The following LGR5 variants were observed in gnomAD, a reference collection of about 807,000 sequenced individuals.
The protein encoded by LGR5 is leucine rich repeat containing G protein-coupled receptor 5.
In LGR5, 54 loss-of-function variants were observed where a neutral mutation model predicts 76.7. The ratio of observed to expected loss-of-function variants is 0.70; its 90% CI spans 0.57 to 0.88. The LOEUF (loss-of-function observed/expected upper bound fraction) is 0.88. LGR5 is among the 40% of genes least tolerant of loss of function. The pLI, the probability that LGR5 is intolerant of heterozygous loss-of-function variation, is 0.00. For missense variants in LGR5, 1,078 were observed against 1,073.3 expected (o/e 1.00, Z -0.06); for synonymous variants, 406 against 421.9 (o/e 0.96, Z 0.46).
At chr12:71,450,767 G>A (rs1872215733) in intron 1 of LGR5, among the ~76,000 whole-genome samples, 1 of 151,954 alleles carries the variant, frequency 6.6e-6, no homozygotes. Context: ...TTTTTTCCTG[G>A]ATGACTGTAG....
chr12:71,469,275 A>C (rs1401568576), intron 1 of LGR5, among the ~76,000 whole-genome samples: 2 of 152,234 alleles, frequency 1.3e-5, no homozygotes, highest in Non-Finnish European at 2.9e-5. Context: ...AATATTACCC[A>C]GTCATAATGT....
chr12:71,532,257 T>C (rs1762486112), intron 3 of LGR5, among the ~76,000 whole-genome samples: 1 of 152,130 alleles, frequency 6.6e-6, no homozygotes, highest in Non-Finnish European at 1.5e-5. Context: ...ATAACAAAAA[T>C]GTAAAATAAC....
intron 1 of LGR5, among the ~76,000 whole-genome samples, chr12:71,469,878 C>A (rs1592466984): frequency 1.3e-5 from 2 of 152,148 alleles, no homozygotes; most frequent in East Asian, 3.9e-4. Context: ...CCTGCTCTTT[C>A]TTTTAAAAGC....
At chr12:71,557,276 C>A (rs2137421575) in intron 6 of LGR5, among the ~76,000 whole-genome samples, 1 of 152,210 alleles carries the variant, frequency 6.6e-6, no homozygotes, top group South Asian at 2.1e-4. Flanking sequence ...CAGAGCAAGA[C>A]CTTGTCTCAA....
chr12:71,515,622 AATGGAAAAAGAGGGAAAACTATTACCATT>A (rs1875396878), intron 2 of LGR5, among the ~76,000 whole-genome samples: 1 of 152,196 alleles, frequency 6.6e-6, no homozygotes, highest in Non-Finnish European at 1.5e-5. Context: ...AGATTTTTAG[AATGGAAAAAGAGGGAAAACTATTACCATT>A]AAGCCTGATA....
intron 4 of LGR5, among the ~76,000 whole-genome samples, chr12:71,549,548 T>C (rs1192851554): frequency 6.6e-6 from 1 of 152,208 alleles, no homozygotes; most frequent in Non-Finnish European, 1.5e-5. Flanking sequence ...AACATCACAT[T>C]GTACACCATA....
At chr12:71,461,266 A>G (rs1000420864) in intron 1 of LGR5, among the ~76,000 whole-genome samples, 1 of 152,106 alleles carries the variant, frequency 6.6e-6, no homozygotes, top group African/African-American at 2.4e-5. Context: ...TCTCCTGGGA[A>G]TGATAGTTTA....
chr12:71,444,847 C>G (rs900655318), intron 1 of LGR5, among the ~76,000 whole-genome samples: 2 of 151,928 alleles, frequency 1.3e-5, no homozygotes, highest in Non-Finnish European at 2.9e-5. Flanking sequence ...AATTTCAGAC[C>G]AAACAATTAA....
intron 2 of LGR5, among the ~76,000 whole-genome samples, chr12:71,513,180 G>A (rs1264884225): frequency 6.6e-6 from 1 of 152,160 alleles, no homozygotes; most frequent in Non-Finnish European, 1.5e-5. Flanking sequence ...AAAAGAAAAG[G>A]TGTGAGGACA....
intron 1 of LGR5, among the ~76,000 whole-genome samples, chr12:71,453,929 T>C (rs1363056240): frequency 6.6e-6 from 1 of 152,008 alleles, no homozygotes; most frequent in Non-Finnish European, 1.5e-5. Context: ...CTGAGAATAG[T>C]AGGTATCAAT....
chr12:71,506,321 C>G (rs1395321129), intron 2 of LGR5, among the ~76,000 whole-genome samples: 1 of 152,042 alleles, frequency 6.6e-6, no homozygotes, highest in African/African-American at 2.4e-5. Flanking sequence ...ACACACACCT[C>G]AACTTTAGAC....
At chr12:71,544,007 C>G (rs771506909) in intron 4 of LGR5, among the ~76,000 whole-genome samples, 1 of 152,200 alleles carries the variant, frequency 6.6e-6, no homozygotes, top group Non-Finnish European at 1.5e-5. Flanking sequence ...TAGATCATCT[C>G]CTTGCTACAG....
chr12:71,526,179 G>A (rs763810239), intron 3 of LGR5, among the ~76,000 whole-genome samples: 2 of 152,030 alleles, frequency 1.3e-5, no homozygotes, highest in African/African-American at 4.8e-5. Flanking sequence ...CTTCATTTTT[G>A]TATGATATTG....
At chr12:71,518,758 C>G (rs1875571986) in intron 2 of LGR5, among the ~76,000 whole-genome samples, 1 of 152,046 alleles carries the variant, frequency 6.6e-6, no homozygotes. Context: ...AACCAGGTAC[C>G]ACATAGTCTT....
At chr12:71,557,302 T>C (rs1160285274) in intron 6 of LGR5, among the ~76,000 whole-genome samples, 1 of 151,670 alleles carries the variant, frequency 6.6e-6, no homozygotes, top group African/African-American at 2.4e-5. Context: ...GAAAAAAGAG[T>C]GAAAAGTAAT....
intron 2 of LGR5, among the ~76,000 whole-genome samples, chr12:71,517,613 T>C (rs1458641719): frequency 6.6e-6 from 1 of 152,222 alleles, no homozygotes; most frequent in African/African-American, 2.4e-5. Context: ...AGGCTATGTT[T>C]TAGAGCTCAC....
In LGR5 at chr12:71,583,521, T is replaced by C; in HGVS notation, c.1637-126T>C. The C allele has an allele frequency of 3.8e-6, 4 of 1,063,578 alleles. No homozygotes were observed. The South Asian group carries it at 6.2e-5, about 16-fold the overall frequency. The allele number at this position is 1,063,578 out of a possible 1,614,324, so 65.9% of individuals were successfully genotyped here. A position where few individuals can be genotyped will look rare whatever the true frequency, so the allele number is the denominator to read the frequency against. On this transcript the variant is annotated intron_variant, in intron 17 of 17. Transcript: ENST00000266674. The stretch of plus-strand genomic sequence containing the variant: ...GATAGTGGAGCATGCACATGGGCAC[T>C]GTGTGTTATTAGGCTGTTTTTGACC...
chr12:71,481,565 G>A (rs565293899), intron 1 of LGR5, among the ~76,000 whole-genome samples: 82 of 152,220 alleles, frequency 5.4e-4, no homozygotes, highest in East Asian at 5.0e-3. Context: ...ATATGTGTGC[G>A]TGTGTCTTTA....
chr12:71,483,098 G>C (rs909829049), intron 1 of LGR5, among the ~76,000 whole-genome samples: 2 of 151,932 alleles, frequency 1.3e-5, no homozygotes, highest in Non-Finnish European at 2.9e-5. Flanking sequence ...AAAAAAAAAG[G>C]AACCACCATA....
Sources: gnomAD v4.1 joint callset for allele counts (sites outside exome capture counted in the v4.1 genomes callset) on GRCh38, gnomAD v4.1.1 for gene constraint, MANE v1.5 for transcripts, NCBI Gene and HGNC (gene_info 2026-07-23, HGNC 2026-07-21) for gene names.